The following TEK variants were observed in gnomAD, a reference collection of about 807,000 sequenced individuals.
TEK encodes the protein angiopoietin-1 receptor.
TEK carries 43 observed loss-of-function variants against 131.8 expected under a neutral mutation model. The observed-to-expected ratio is 0.33, with a 90% CI of 0.26 to 0.42. TEK has a LOEUF of 0.42. Ranked by LOEUF, TEK falls within the 10% of genes least tolerant of loss-of-function variation. The probability of loss-of-function intolerance (pLI) is 1.00; values close to 1 mark genes in which losing one functional copy is unlikely to be tolerated. For missense variants in TEK, 1,162 were observed against 1,384.4 expected (o/e 0.84, Z 2.55); for synonymous variants, 580 against 491.6 (o/e 1.18, Z -2.38).
chr9:27,200,455 T>G (rs1488313524), intron 12 of TEK, among the ~76,000 whole-genome samples: 4 of 152,116 alleles, frequency 2.6e-5, no homozygotes, highest in Non-Finnish European at 4.4e-5. Context: ...TTGTATGAAG[T>G]TTGATGGAGG....
intron 11 of TEK, among the ~76,000 whole-genome samples, chr9:27,193,030 A>G (rs1824879541): frequency 6.6e-6 from 1 of 152,190 alleles, no homozygotes; most frequent in Non-Finnish European, 1.5e-5. Context: ...CCACAGGCAT[A>G]TTTTAGAAGT....
intron 11 of TEK, chr9:27,195,611 C>G: frequency 2.2e-6 from 1 of 455,654 alleles, no homozygotes; most frequent in Admixed American, 2.4e-5. Flanking sequence ...GACTTCATAT[C>G]TGGAATTTAA....
At chr9:27,125,888 C>T (rs1224200661) in intron 1 of TEK, among the ~76,000 whole-genome samples, 1 of 152,140 alleles carries the variant, frequency 6.6e-6, no homozygotes, top group Non-Finnish European at 1.5e-5. Flanking sequence ...CCAACTCTTT[C>T]TATTCTATAC....
At chr9:27,182,772 A>G (rs1036704826) in intron 7 of TEK, among the ~76,000 whole-genome samples, 44 of 151,608 alleles carry the variant, frequency 2.9e-4, no homozygotes, top group African/African-American at 1.0e-3. Context: ...ATGTTAGGCA[A>G]GAAATCCTGA....
intron 1 of TEK, among the ~76,000 whole-genome samples, chr9:27,129,041 C>T (rs996497864): frequency 1.3e-5 from 2 of 152,110 alleles, no homozygotes; most frequent in African/African-American, 2.4e-5. Context: ...AGAGGGCATC[C>T]TTGTCTTGTG....
chr9:27,175,196 T>C (rs556043655), intron 6 of TEK, among the ~76,000 whole-genome samples: 28 of 144,622 alleles, frequency 1.9e-4, no homozygotes, highest in Non-Finnish European at 3.3e-4. Flanking sequence ...GTTCATGTGT[T>C]CTCACTGTTC....
intron 6 of TEK, among the ~76,000 whole-genome samples, chr9:27,176,914 C>A (rs1466849416): frequency 1.3e-5 from 2 of 152,194 alleles, no homozygotes; most frequent in East Asian, 1.9e-4. Flanking sequence ...TTTTCAGATT[C>A]CACTTATAGA....
intron 1 of TEK, among the ~76,000 whole-genome samples, chr9:27,111,408 G>A (rs1176574496): frequency 6.6e-6 from 1 of 152,164 alleles, no homozygotes; most frequent in Admixed American, 6.5e-5. Context: ...ACAGCCATAG[G>A]AGCCCGTTCC....
At chr9:27,176,409 A>G (rs372139131) in intron 6 of TEK, among the ~76,000 whole-genome samples, 8 of 152,234 alleles carry the variant, frequency 5.3e-5, no homozygotes, top group East Asian at 3.8e-4. Flanking sequence ...TCAAGGCTTC[A>G]TGATATTTTA....
intron 1 of TEK, among the ~76,000 whole-genome samples, chr9:27,137,838 C>T (rs1011973305): frequency 2.0e-5 from 3 of 151,610 alleles, no homozygotes; most frequent in African/African-American, 7.3e-5. Flanking sequence ...TGTATTAGTT[C>T]TTTTGTGTCC....
At chr9:27,197,976 C>A (rs894805047) in intron 12 of TEK, among the ~76,000 whole-genome samples, 6 of 151,996 alleles carry the variant, frequency 3.9e-5, no homozygotes, top group African/African-American at 7.2e-5. Context: ...ACCATAAAAA[C>A]CAAATAACTT....
At chr9:27,132,345 G>A (rs551798018) in intron 1 of TEK, among the ~76,000 whole-genome samples, 15 of 151,992 alleles carry the variant, frequency 9.9e-5, no homozygotes, top group South Asian at 6.2e-4. Context: ...CTCGGCCTCC[G>A]AAAGTGTGAT....
In TEK at chr9:27,226,566, C is replaced by T. The variant is rs576733567; in HGVS notation, c.3201-1640C>T. Among the ~76,000 whole-genome samples, 20 of 151,738 alleles carry T rather than the reference C, an allele frequency of 1.3e-4. No individual in the cohort carries two copies. The East Asian group carries it at 2.5e-3, about 19-fold the overall frequency. On this transcript the variant is annotated intron_variant, in intron 21 of 22. Transcript: ENST00000380036. ...TGGACACAGGGAGGGGAATATCACACGCCTATCGGGGGGTGGGGGCTAGGG... is the reference window on the plus strand; with the variant it reads ...TGGACACAGGGAGGGGAATATCACATGCCTATCGGGGGGTGGGGGCTAGGG...
At chr9:27,118,481 A>G (rs747262315) in intron 1 of TEK, among the ~76,000 whole-genome samples, 25 of 152,060 alleles carry the variant, frequency 1.6e-4, no homozygotes, top group Admixed American at 5.2e-4. Context: ...AAATAATACA[A>G]ATATTGGCTG....
rs372214778 is a variant in TEK at position 27,229,400 on chromosome 9, T to C, written c.*168T>C. Reference sequence around the variant, plus strand: ...ATCCCATGCATGGATCTATGTAGTATGCTCTGACTCTAATAGGACTGTATA... The same window carrying C: ...ATCCCATGCATGGATCTATGTAGTACGCTCTGACTCTAATAGGACTGTATA... On this transcript the variant is annotated 3_prime_UTR_variant, in exon 23 of 23. Transcript: ENST00000380036. 8.4e-6 allele frequency: 6 copies of C among 710,536 alleles called. No individual in the cohort carries two copies. The highest frequency in any genetic ancestry group is 5.3e-5 in the East Asian group (2 of 37,842). The allele number at this position is 710,536 out of a possible 1,614,324, so 44.0% of individuals were successfully genotyped here.
Position 27,197,396 on chromosome 9 carries a change from G to C in TEK, c.1706G>C (p.Ser569Thr), listed in dbSNP as rs190513747. 4.3e-6 allele frequency: 7 copies of C among 1,614,100 alleles called. No individual in the cohort carries two copies. The highest frequency in any genetic ancestry group is 1.7e-5 in the Admixed American group (1 of 60,006). The change falls in exon 12 of 23, where the codon AGC (serine) becomes ACC (threonine). Residue 569 changes from serine (S) to threonine (T), a missense_variant. Ser to Thr is a moderately conservative substitution (Grantham distance 58). Coordinates refer to ENST00000380036, the MANE Select transcript of TEK (RefSeq NM_000459.5). ...LNLTWQPIFP[S>T]SEDDFYVEVE... is the part of the protein sequence containing the mutation. ...TTGACCTGGCAACCAATATTTCCAA[G>C]CTCGGAAGATGACTTTTATGTTGAA...
At chr9:27,123,052 C>CAA (rs10700803) in intron 1 of TEK, among the ~76,000 whole-genome samples, 16,474 of 34,616 alleles carry the variant, frequency 0.48, 6,080 homozygotes, top group South Asian at 0.67. Context: ...GACTCTGTCT[C>CAA]AAAAAAAAAA....
intron 11 of TEK, among the ~76,000 whole-genome samples, chr9:27,193,284 G>A (rs1172873239): frequency 6.6e-6 from 1 of 152,126 alleles, no homozygotes; most frequent in Non-Finnish European, 1.5e-5. Context: ...ATCACTCAGA[G>A]AGTTTGTTAA....
chr9:27,183,659 T>C (rs774640436), intron 8 of TEK, 49 bp downstream of exon 8: 9 of 1,602,888 alleles, frequency 5.6e-6, no homozygotes, highest in Non-Finnish European at 7.7e-6. Context: ...GATGCTTCAG[T>C]GTAGTAATCA....
Sources: gnomAD v4.1 joint callset for allele counts (sites outside exome capture counted in the v4.1 genomes callset) on GRCh38, gnomAD v4.1.1 for gene constraint, MANE v1.5 for transcripts, NCBI Gene and HGNC (gene_info 2026-07-23, HGNC 2026-07-21) for gene names.